NCAM1: variants seen among roughly 807,000 people sequenced by gnomAD.
NCAM1 encodes the protein antigen recognized by monoclonal antibody 5.1H11.
NCAM1 carries 14 observed loss-of-function variants against 109.8 expected under a neutral mutation model. That is an observed-to-expected ratio of 0.13 (90% CI 0.08 to 0.20). The LOEUF (loss-of-function observed/expected upper bound fraction) is 0.20, where lower values mean the gene tolerates loss of function less well. Among genes scored for constraint, NCAM1 ranks in the 10% least tolerant of loss-of-function variants. The pLI is 1.00. For synonymous variants in NCAM1, 418 were observed against 442.9 expected, an observed-to-expected ratio of 0.94 and a Z score of 0.70; for missense variants, 774 against 1,109.9, an observed-to-expected ratio of 0.70 and a Z score of 4.30.
At chr11:113,018,632 A>G (rs1952283521) in intron 1 of NCAM1, among the ~76,000 whole-genome samples, 1 of 152,190 alleles carries the variant, frequency 6.6e-6, no homozygotes, top group South Asian at 2.1e-4. Flanking sequence ...CAGCCACTGC[A>G]TAATAAACTT....
rs1404048433 is a variant in NCAM1 at position 113,156,457 on chromosome 11, G to A, written c.53-45922G>A. Reference sequence around the variant, plus strand: ...GTGCGAATGACACACTAGAGCAGAGGAAGATAATGCCAATTGAGAACTAGT... The same window carrying A: ...GTGCGAATGACACACTAGAGCAGAGAAAGATAATGCCAATTGAGAACTAGT... On this transcript the variant is annotated intron_variant, in intron 1 of 19. Transcript: ENST00000316851. Among the ~76,000 whole-genome samples, 3 of 152,156 alleles carry A rather than the reference G, an allele frequency of 2.0e-5. No homozygotes were observed. In the East Asian group the frequency reaches 5.8e-4, roughly 29 times the overall value.
intron 1 of NCAM1, among the ~76,000 whole-genome samples, chr11:113,042,660 C>T (rs1318597616): frequency 1.3e-5 from 2 of 152,170 alleles, no homozygotes; most frequent in African/African-American, 2.4e-5. Flanking sequence ...CATCACCTTC[C>T]TTCCTCCTGT....
At chr11:113,251,547 T>G (rs1555121313) in intron 15 of NCAM1, among the ~76,000 whole-genome samples, 2 of 152,220 alleles carry the variant, frequency 1.3e-5, no homozygotes, top group Non-Finnish European at 2.9e-5. Flanking sequence ...ATACCAGAAC[T>G]GCACAATACT....
At chr11:113,074,407 T>G (rs781921733) in intron 1 of NCAM1, among the ~76,000 whole-genome samples, 1 of 152,152 alleles carries the variant, frequency 6.6e-6, no homozygotes, top group Non-Finnish European at 1.5e-5. Context: ...TGGGCTTACT[T>G]TGAAGCAACT....
chr11:113,004,292 A>G (rs1385841516), intron 1 of NCAM1, among the ~76,000 whole-genome samples: 2 of 152,134 alleles, frequency 1.3e-5, no homozygotes, highest in Non-Finnish European at 2.9e-5. Context: ...CAGGAGTTCA[A>G]GACCAGCCTG....
At chr11:113,012,428 G>T (rs984514020) in intron 1 of NCAM1, among the ~76,000 whole-genome samples, 1 of 152,028 alleles carries the variant, frequency 6.6e-6, no homozygotes, top group African/African-American at 2.4e-5. Flanking sequence ...CTTCATAAAG[G>T]TATTGTGATT....
At chr11:113,253,912 TTGCAG>T (rs1168743045) in intron 15 of NCAM1, among the ~76,000 whole-genome samples, 61 of 152,218 alleles carry the variant, frequency 4.0e-4, no homozygotes, top group Non-Finnish European at 7.4e-4. Context: ...GATGTTGAAC[TTGCAG>T]TGCTAAAACC....
At chr11:113,270,869 T>C (rs1946253411) in intron 18 of NCAM1, among the ~76,000 whole-genome samples, 1 of 152,180 alleles carries the variant, frequency 6.6e-6, no homozygotes, top group Non-Finnish European at 1.5e-5. Context: ...ATAGAAATTC[T>C]TGTCCTTATG....
At position 113,166,527 on chromosome 11, in the gene NCAM1, A is replaced by C. The variant is rs192401601; in HGVS notation, c.53-35852A>C. Among the ~76,000 whole-genome samples the C allele has an allele frequency of 3.0e-4, 46 of 152,326 alleles. No homozygotes were observed. The South Asian group carries it at 5.4e-3, about 18-fold the overall frequency. ...AAAATAGGTGCATTTTACTTAAAGC[A>C]CAGATTGTTTAAAGATTGATGTGAT... On this transcript the variant is annotated intron_variant, in intron 1 of 19. Coordinates refer to ENST00000316851, the MANE Select transcript of NCAM1 (RefSeq NM_181351.5).
chr11:113,261,352 A>G (rs946888596), intron 17 of NCAM1, among the ~76,000 whole-genome samples: 1 of 152,116 alleles, frequency 6.6e-6, no homozygotes, highest in Non-Finnish European at 1.5e-5. Flanking sequence ...AAACGGGATC[A>G]GTGTGTGGTT....
intron 15 of NCAM1, among the ~76,000 whole-genome samples, chr11:113,252,857 G>A (rs530881821): frequency 8.5e-6 from 1 of 118,268 alleles, no homozygotes; most frequent in East Asian, 2.7e-4. Context: ...CACTATGTTG[G>A]CCAGGCTGGT....
chr11:113,179,681 G>A (rs1943271197), intron 1 of NCAM1, among the ~76,000 whole-genome samples: 1 of 152,186 alleles, frequency 6.6e-6, no homozygotes, highest in Non-Finnish European at 1.5e-5. Context: ...TCCCCCGAAG[G>A]CAGGATAAAG....
At chr11:113,220,236 T>C (rs1004579522) in intron 8 of NCAM1, among the ~76,000 whole-genome samples, 1 of 152,198 alleles carries the variant, frequency 6.6e-6, no homozygotes, top group African/African-American at 2.4e-5. Flanking sequence ...CTAACCTCTG[T>C]GTCCCTGGGT....
chr11:113,121,223 A>ACCTTT, intron 1 of NCAM1, among the ~76,000 whole-genome samples: 1 of 17,230 alleles, frequency 5.8e-5, no homozygotes, highest in Non-Finnish European at 1.1e-4. Context: ...AACAACACCA[A>ACCTTT]TCTTTTTTTT....
chr11:113,213,511 C>T (rs1555113931), intron 7 of NCAM1, among the ~76,000 whole-genome samples: 1 of 152,172 alleles, frequency 6.6e-6, no homozygotes. Flanking sequence ...CCATCCAGTT[C>T]CTTGCCTGAT....
chr11:113,045,617 A>G (rs1188218211), intron 1 of NCAM1, among the ~76,000 whole-genome samples: 2 of 152,230 alleles, frequency 1.3e-5, no homozygotes, highest in African/African-American at 4.8e-5. Flanking sequence ...CTTAAATGCC[A>G]TTATGCATTA....
intron 1 of NCAM1, among the ~76,000 whole-genome samples, chr11:113,198,000 T>C (rs566560781): frequency 6.6e-6 from 1 of 152,166 alleles, no homozygotes; most frequent in East Asian, 1.9e-4. Flanking sequence ...GCTAAAAGAG[T>C]TGGCATTCCT....
intron 14 of NCAM1, chr11:113,242,725 C>G: frequency 8.1e-7 from 1 of 1,239,804 alleles, no homozygotes. Flanking sequence ...TGTATGTATA[C>G]ATATATAGCT....
intron 1 of NCAM1, among the ~76,000 whole-genome samples, chr11:112,981,080 C>T (rs1344351478): frequency 6.6e-6 from 1 of 151,832 alleles, no homozygotes; most frequent in Non-Finnish European, 1.5e-5. Context: ...AGAATCACCC[C>T]TTTCACATAT....
Sources: gnomAD v4.1 joint callset for allele counts (sites outside exome capture counted in the v4.1 genomes callset) on GRCh38, gnomAD v4.1.1 for gene constraint, MANE v1.5 for transcripts, NCBI Gene and HGNC (gene_info 2026-07-23, HGNC 2026-07-21) for gene names.